SPAG1: variants seen among roughly 807,000 people sequenced by gnomAD.
SPAG1 encodes the protein sperm-associated antigen 1.
SPAG1 carries 69 observed loss-of-function variants against 100.5 expected under a neutral mutation model. That is an observed-to-expected ratio of 0.69 (90% CI 0.57 to 0.84). The LOEUF (loss-of-function observed/expected upper bound fraction) is 0.84, where lower values mean the gene tolerates loss of function less well. SPAG1 is among the 40% of genes least tolerant of loss of function. The pLI is 0.00. For missense variants in SPAG1, 955 were observed against 1,133.1 expected (o/e 0.84, Z 2.26); for synonymous variants, 336 against 411.6 (o/e 0.82, Z 2.22).
intron 3 of SPAG1, among the ~76,000 whole-genome samples, chr8:100,167,243 T>C (rs1205846277): frequency 6.6e-6 from 1 of 152,208 alleles, no homozygotes; most frequent in African/African-American, 2.4e-5. Context: ...AATTAAATAG[T>C]TGAAAAAATG....
chr8:100,171,948 G>A (rs1054324926), intron 3 of SPAG1, among the ~76,000 whole-genome samples: 11 of 151,352 alleles, frequency 7.3e-5, no homozygotes, highest in Non-Finnish European at 8.8e-5. Flanking sequence ...GGGCTAGAGC[G>A]CAGTAGCACA....
At chr8:100,212,894 G>GGAAGCCGCA (rs1817775175) in intron 10 of SPAG1, among the ~76,000 whole-genome samples, 196 bp from the exon 11 acceptor site, 1 of 21,956 alleles carries the variant, frequency 4.6e-5, no homozygotes, top group Non-Finnish European at 7.9e-5. Flanking sequence ...GGAAGCCGCA[G>GGAAGCCGCA]GGGGCCTCGA....
intron 10 of SPAG1, among the ~76,000 whole-genome samples, chr8:100,211,841 C>G (rs1031400945): frequency 6.6e-6 from 1 of 152,156 alleles, no homozygotes; most frequent in African/African-American, 2.4e-5. Flanking sequence ...AACTGCAGCT[C>G]TTTAGTGATA....
chr8:100,224,177 C>T (rs1012376882), intron 13 of SPAG1, among the ~76,000 whole-genome samples: 2 of 151,578 alleles, frequency 1.3e-5, no homozygotes, highest in Non-Finnish European at 2.9e-5. Context: ...TTATGATGGC[C>T]ATCAGTAAAT....
chr8:100,213,011 C>T lies in SPAG1; in HGVS notation c.1097-79C>T, dbSNP rs557009582. 6.6e-4 allele frequency: 803 copies of T among 1,215,434 alleles called. 2 individuals are homozygous for T. The highest frequency in any genetic ancestry group is 9.2e-4 in the South Asian group (51 of 55,646). The allele number at this position is 1,215,434 out of a possible 1,614,324, so 75.3% of individuals were successfully genotyped here. ...TAGAGCCCGCCCTCCGCGTCCTGCA[C>T]CCCCGCGGCCTCCGCGGCCTCCGCG... is the stretch of plus-strand genomic sequence containing the variant. On this transcript the variant is annotated intron_variant, in intron 10 of 18. Coordinates refer to ENST00000388798, the MANE Select transcript of SPAG1 (RefSeq NM_003114.5).
chr8:100,195,089 C>G (rs1971305), intron 10 of SPAG1, among the ~76,000 whole-genome samples: 1 of 150,020 alleles, frequency 6.7e-6, no homozygotes, highest in Non-Finnish European at 1.5e-5. Context: ...GGCTTAAACC[C>G]GGGAGGCGGA....
At chr8:100,217,628 A>G (rs1425654878) in intron 12 of SPAG1, among the ~76,000 whole-genome samples, 1 of 152,228 alleles carries the variant, frequency 6.6e-6, no homozygotes, top group Non-Finnish European at 1.5e-5. Flanking sequence ...ATAATTGTTT[A>G]TAAGCTAAAA....
Position 100,191,463 on chromosome 8 carries a change from AC to A in SPAG1, c.907del (p.Leu303Ter). 6.2e-7 allele frequency: 1 copy of A among 1,613,722 alleles called. No individual in the cohort carries two copies. Among genetic ancestry groups the A allele is most frequent in the Non-Finnish European group, 8.5e-7 (1 of 1,179,628 alleles). ...AAGCTACAGAAGATTTGAGTAAAGT[AC>A]TAGATGTTGAGCCTGATAATGATTT... is the stretch of plus-strand genomic sequence containing the variant. ...REATEDLSKV[L>X]DVEPDNDLAK... On this transcript the variant is annotated frameshift_variant, in exon 9 of 19. Transcript: ENST00000388798. LOFTEE classifies it high-confidence loss of function.
intron 10 of SPAG1, among the ~76,000 whole-genome samples, chr8:100,208,706 CAT>C (rs1278836064): frequency 6.6e-6 from 1 of 152,180 alleles, no homozygotes; most frequent in African/African-American, 2.4e-5. Context: ...TTTCCTTTAT[CAT>C]GTGACATAAG....
At chr8:100,230,063 A>G (rs1413009956) in intron 14 of SPAG1, among the ~76,000 whole-genome samples, 1 of 152,236 alleles carries the variant, frequency 6.6e-6, no homozygotes, top group Non-Finnish European at 1.5e-5. Flanking sequence ...CAGCTCTTAT[A>G]GACTCATCCC....
intron 4 of SPAG1, among the ~76,000 whole-genome samples, chr8:100,179,118 C>G (rs1384560617): frequency 6.7e-6 from 1 of 149,974 alleles, no homozygotes; most frequent in Non-Finnish European, 1.5e-5. Flanking sequence ...CATGGTGGCT[C>G]ACACCTGTAA....
chr8:100,241,338 T>C lies in SPAG1; in HGVS notation c.*316T>C, dbSNP rs1819263646. Reference sequence around the variant, plus strand: ...AGTTAAGTTGCATTTCTTTGGGCTATGAAGGAGTCCTCTTAAGTTTGATAG... The same window carrying C: ...AGTTAAGTTGCATTTCTTTGGGCTACGAAGGAGTCCTCTTAAGTTTGATAG... On this transcript the variant is annotated 3_prime_UTR_variant, in exon 19 of 19. Transcript: ENST00000388798. This position sits in a 1 kb window ranked among gnomAD's most constrained non-coding sequence, Gnocchi z 5.1. 1.2e-5 allele frequency: 2 copies of C among 169,002 alleles called. No homozygotes were observed. The highest frequency in any genetic ancestry group is 6.3e-5 in the Admixed American group (1 of 15,970). 10.5% of individuals were successfully genotyped at this position (169,002 alleles called of 1,614,324 possible).
chr8:100,200,120 C>T (rs1273267578), intron 10 of SPAG1, among the ~76,000 whole-genome samples: 1 of 152,140 alleles, frequency 6.6e-6, no homozygotes, highest in African/African-American at 2.4e-5. Context: ...TGACAGGCCC[C>T]GGTGTGTGAT....
rs997990430 is a variant in SPAG1, at chr8:100,215,366, C to G, written c.1535+1448C>G. 7.9e-5 allele frequency among the ~76,000 whole-genome samples: 12 copies of G among 152,162 alleles called. No individual in the cohort carries two copies. The East Asian group carries it at 2.1e-3, about 27-fold the overall frequency. ...TGGCAAGAAGCTACTATTAGTACAT[C>G]TAAAAAAGAAGAAGTCATGTCCTAG... On this transcript the variant is annotated intron_variant, in intron 12 of 18. Transcript: ENST00000388798.
intron 2 of SPAG1, among the ~76,000 whole-genome samples, 186 bp downstream of exon 2, chr8:100,162,606 C>T (rs890369707): frequency 3.3e-5 from 5 of 152,196 alleles, no homozygotes; most frequent in African/African-American, 2.4e-5. Context: ...CAGCATGAGA[C>T]GCAGGCTAAT....
intron 12 of SPAG1, among the ~76,000 whole-genome samples, chr8:100,215,273 C>T (rs540913275): frequency 9.2e-5 from 14 of 151,880 alleles, no homozygotes; most frequent in South Asian, 4.2e-4. Context: ...AATAAGTTAC[C>T]TGCCTGGATG....
chr8:100,193,861 TTAA>T (rs2132288320), intron 9 of SPAG1, among the ~76,000 whole-genome samples: 1 of 152,322 alleles, frequency 6.6e-6, no homozygotes, highest in East Asian at 1.9e-4. Context: ...TATCAAAATG[TTAA>T]TAGTAGTATC....
intron 10 of SPAG1, among the ~76,000 whole-genome samples, chr8:100,209,540 T>C (rs996172516): frequency 6.6e-6 from 1 of 151,748 alleles, no homozygotes; most frequent in African/African-American, 2.4e-5. Flanking sequence ...GGATTGTCTT[T>C]TCCATTTCTG....
At chr8:100,211,877 T>C (rs984349731) in intron 10 of SPAG1, among the ~76,000 whole-genome samples, 5 of 152,192 alleles carry the variant, frequency 3.3e-5, no homozygotes, top group African/African-American at 1.2e-4. Context: ...GAGGGGATAC[T>C]GTGCAAAGGG....
Sources: gnomAD v4.1 joint callset for allele counts (sites outside exome capture counted in the v4.1 genomes callset) on GRCh38, gnomAD v4.1.1 for gene constraint, Gnocchi (gnomAD v3.1) non-coding constraint, MANE v1.5 for transcripts, NCBI Gene and HGNC (gene_info 2026-07-23, HGNC 2026-07-21) for gene names.